NELL1: variants seen among roughly 807,000 people sequenced by gnomAD.
NELL1 encodes the protein neural EGFL like 1, also known as protein kinase C-binding protein NELL1.
NELL1 carries 76 observed loss-of-function variants against 107.4 expected under a neutral mutation model. The ratio of observed to expected loss-of-function variants is 0.71; its 90% confidence interval spans 0.59 to 0.86. The LOEUF (loss-of-function observed/expected upper bound fraction) is 0.86, where lower values mean the gene tolerates loss of function less well. Ranked by LOEUF, NELL1 falls within the 40% of genes least tolerant of loss-of-function variation. The pLI, the probability that NELL1 is intolerant of heterozygous loss-of-function variation, is 0.00. For missense variants in NELL1, 1,024 were observed against 1,005.5 expected (o/e 1.02, Z -0.25); for synonymous variants, 353 against 341.2 (o/e 1.03, Z -0.38).
intron 13 of NELL1, among the ~76,000 whole-genome samples, chr11:21,141,934 TG>T (rs1405119613): frequency 6.6e-6 from 1 of 152,018 alleles, no homozygotes; most frequent in Non-Finnish European, 1.5e-5. Flanking sequence ...CAGCTAATTT[TG>T]GTATTTTTAG....
intron 14 of NELL1, among the ~76,000 whole-genome samples, chr11:21,309,059 CTTTCA>C: frequency 6.6e-6 from 1 of 151,338 alleles, no homozygotes; most frequent in African/African-American, 2.4e-5. Flanking sequence ...TTAGCATATG[CTTTCA>C]TTTAAGTTTT....
chr11:21,306,415 A>G (rs1849605849), intron 14 of NELL1, among the ~76,000 whole-genome samples: 1 of 152,060 alleles, frequency 6.6e-6, no homozygotes, highest in Non-Finnish European at 1.5e-5. Flanking sequence ...CGACTTGCTC[A>G]TGAGTGCACA....
chr11:21,220,352 T>C (rs1250046724), intron 13 of NELL1, among the ~76,000 whole-genome samples: 1 of 152,210 alleles, frequency 6.6e-6, no homozygotes, highest in African/African-American at 2.4e-5. Context: ...TGGGATCTTT[T>C]ATGGTTCCTC....
intron 3 of NELL1, among the ~76,000 whole-genome samples, chr11:20,785,875 C>T (rs1405074042): frequency 1.4e-5 from 2 of 141,292 alleles, no homozygotes; most frequent in African/African-American, 2.8e-5. Context: ...TGCAGGGTTT[C>T]TCTTTTGGAT....
At chr11:20,880,377 G>T (rs1376804534) in intron 4 of NELL1, among the ~76,000 whole-genome samples, 1 of 152,034 alleles carries the variant, frequency 6.6e-6, no homozygotes, top group Non-Finnish European at 1.5e-5. Context: ...AAGTGCCAAG[G>T]GCATGTAATG....
intron 14 of NELL1, among the ~76,000 whole-genome samples, chr11:21,237,606 G>A (rs1259701309): frequency 6.6e-6 from 1 of 152,024 alleles, no homozygotes; most frequent in African/African-American, 2.4e-5. Context: ...AATATTGATT[G>A]TGTACTTATG....
intron 15 of NELL1, among the ~76,000 whole-genome samples, chr11:21,396,287 T>C (rs1851978416): frequency 6.6e-6 from 1 of 151,650 alleles, no homozygotes; most frequent in African/African-American, 2.4e-5. Context: ...CACCCACATT[T>C]ATATGATTTC....
At chr11:20,746,582 AC>A (rs1856008551) in intron 2 of NELL1, among the ~76,000 whole-genome samples, 1 of 140,440 alleles carries the variant, frequency 7.1e-6, no homozygotes, top group African/African-American at 3.2e-5. Context: ...ACACACACAC[AC>A]ACACACACAC....
chr11:20,811,986 G>A (rs975398420), intron 3 of NELL1, among the ~76,000 whole-genome samples: 1 of 152,110 alleles, frequency 6.6e-6, no homozygotes, highest in African/African-American at 2.4e-5. Context: ...AACAAAAGTG[G>A]TGATAGATTG....
Position 20,684,700 on chromosome 11 carries a change from T to C in NELL1, c.184+6640T>C, listed in dbSNP as rs139251613. 1.1e-3 allele frequency among the ~76,000 whole-genome samples: 166 copies of C among 152,214 alleles called. 1 individual carries two copies. The highest frequency in any genetic ancestry group is 3.8e-3 in the African/African-American group (157 of 41,550). On this transcript the variant is annotated intron_variant, in intron 2 of 19. Transcript: ENST00000357134. ...CTTTTGTGTATTTTTATAAATACCT[T>C]TGAGTTTTGTTCTAGTAACTGGGAC... is the stretch of plus-strand genomic sequence containing the variant.
At chr11:21,048,298 A>T (rs1233085741) in intron 12 of NELL1, among the ~76,000 whole-genome samples, 1 of 152,024 alleles carries the variant, frequency 6.6e-6, no homozygotes, top group African/African-American at 2.4e-5. Context: ...CACGTTTTAT[A>T]CTTCTGGGTC....
intron 14 of NELL1, among the ~76,000 whole-genome samples, chr11:21,341,923 T>G (rs1850577224): frequency 1.3e-5 from 2 of 152,186 alleles, no homozygotes; most frequent in Admixed American, 6.5e-5. Context: ...TTTCCACTGT[T>G]AGTGGTTCAC....
chr11:21,310,587 A>G (rs775862985), intron 14 of NELL1, among the ~76,000 whole-genome samples: 8 of 152,096 alleles, frequency 5.3e-5, no homozygotes, highest in Non-Finnish European at 7.4e-5. Context: ...GAAGGCCATC[A>G]TGAGGAAATC....
chr11:20,961,932 C>T (rs1330632999), intron 12 of NELL1, among the ~76,000 whole-genome samples: 1 of 152,144 alleles, frequency 6.6e-6, no homozygotes, highest in Admixed American at 6.6e-5. Context: ...TATCTTATTA[C>T]TACTAGAGAC....
chr11:21,329,286 T>C (rs12420743), intron 14 of NELL1, among the ~76,000 whole-genome samples: 23,170 of 151,752 alleles, frequency 0.15, 1,881 homozygotes, highest in East Asian at 0.26. Flanking sequence ...AAGGGGCTTT[T>C]CCCCCTTTTG....
At chr11:21,242,050 G>A (rs1187043068) in intron 14 of NELL1, among the ~76,000 whole-genome samples, 1 of 151,778 alleles carries the variant, frequency 6.6e-6, no homozygotes, top group Non-Finnish European at 1.5e-5. Flanking sequence ...AGATATGATG[G>A]CATTTTCAAA....
intron 12 of NELL1, among the ~76,000 whole-genome samples, chr11:21,007,046 C>A (rs1852342322): frequency 6.6e-6 from 1 of 151,812 alleles, no homozygotes; most frequent in African/African-American, 2.4e-5. Flanking sequence ...GTTGGCTGAC[C>A]CTGCTTTATT....
intron 5 of NELL1, among the ~76,000 whole-genome samples, chr11:20,906,799 C>T (rs1280621756): frequency 6.6e-6 from 1 of 151,970 alleles, no homozygotes; most frequent in African/African-American, 2.4e-5. Flanking sequence ...AATATCTTGT[C>T]ATGATAAAAA....
chr11:21,213,303 A>G (rs994661566), intron 13 of NELL1, among the ~76,000 whole-genome samples: 2 of 152,190 alleles, frequency 1.3e-5, no homozygotes, highest in African/African-American at 4.8e-5. Context: ...AATTCTCCAT[A>G]AGTTGATCTG....
Sources: allele counts gnomAD v4.1 joint callset (sites outside exome capture counted in the v4.1 genomes callset), GRCh38; gene constraint gnomAD v4.1.1; transcripts MANE v1.5; gene names NCBI Gene and HGNC (gene_info 2026-07-23, HGNC 2026-07-21).